The following CDKAL1 variants were observed in gnomAD, a reference collection of about 807,000 sequenced individuals.
The protein encoded by CDKAL1 is CDKAL1 threonylcarbamoyladenosine tRNA methylthiotransferase.
In CDKAL1, 32 loss-of-function variants were observed where a neutral mutation model predicts 68.2. That is an observed-to-expected ratio of 0.47 (90% CI 0.35 to 0.63). The LOEUF is 0.63. Among genes scored for constraint, CDKAL1 ranks in the 30% least tolerant of loss-of-function variants. The probability of loss-of-function intolerance (pLI) is 0.00; values close to 1 mark genes in which losing one functional copy is unlikely to be tolerated. For synonymous variants in CDKAL1, 234 were observed against 244.3 expected (o/e 0.96, Z 0.39); for missense variants, 606 against 696.7 (o/e 0.87, Z 1.47).
chr6:20,730,861 A>AG (rs1491306398), intron 5 of CDKAL1, among the ~76,000 whole-genome samples: 3 of 142,754 alleles, frequency 2.1e-5, no homozygotes, highest in Non-Finnish European at 3.1e-5. Flanking sequence ...AAAAAAAAAA[A>AG]GAGAGAAGGA....
chr6:20,759,407 TG>T (rs1200314871), intron 7 of CDKAL1, among the ~76,000 whole-genome samples: 3 of 152,076 alleles, frequency 2.0e-5, no homozygotes, highest in African/African-American at 7.2e-5. Flanking sequence ...CTGGGTGTGG[TG>T]GGGTGCTCAT....
At chr6:21,190,806 A>G (rs1234408679) in intron 13 of CDKAL1, among the ~76,000 whole-genome samples, 1 of 152,238 alleles carries the variant, frequency 6.6e-6, no homozygotes, top group Non-Finnish European at 1.5e-5. Flanking sequence ...ACACAGGTCC[A>G]TATATCTACG....
intron 10 of CDKAL1, among the ~76,000 whole-genome samples, chr6:20,999,251 T>C (rs1372870850): frequency 6.6e-6 from 1 of 152,116 alleles, no homozygotes; most frequent in Admixed American, 6.6e-5. Flanking sequence ...TTTTTTTCTT[T>C]GTTTCTTTTC....
intron 10 of CDKAL1, among the ~76,000 whole-genome samples, chr6:20,976,306 T>A (rs1765843240): frequency 1.3e-5 from 2 of 152,212 alleles, no homozygotes; most frequent in Admixed American, 1.3e-4. Context: ...ATTATTAAAA[T>A]GTATTCTTTG....
At chr6:21,207,856 G>A (rs140940712) in intron 15 of CDKAL1, among the ~76,000 whole-genome samples, 24 of 152,230 alleles carry the variant, frequency 1.6e-4, no homozygotes, top group African/African-American at 5.8e-4. Context: ...TTCAAATGTT[G>A]TATTCATCAG....
chr6:20,726,070 G>T (rs899687307), intron 5 of CDKAL1, among the ~76,000 whole-genome samples: 1 of 151,810 alleles, frequency 6.6e-6, no homozygotes, highest in Non-Finnish European at 1.5e-5. Context: ...TCTTTTATAG[G>T]GGGGAGTATT....
At chr6:20,689,147 A>G (rs572045954) in intron 5 of CDKAL1, among the ~76,000 whole-genome samples, 2 of 152,166 alleles carry the variant, frequency 1.3e-5, no homozygotes, top group Non-Finnish European at 2.9e-5. Flanking sequence ...GTGAGTTTCC[A>G]TATAGTTTCT....
At chr6:20,536,645 C>G (rs1444941935) in intron 2 of CDKAL1, among the ~76,000 whole-genome samples, 2 of 152,018 alleles carry the variant, frequency 1.3e-5, no homozygotes, top group African/African-American at 4.8e-5. Flanking sequence ...TTAAATATTG[C>G]TAGGTTTTAC....
chr6:21,118,044 AG>A (rs1454148683), intron 13 of CDKAL1, among the ~76,000 whole-genome samples: 1 of 152,240 alleles, frequency 6.6e-6, no homozygotes, highest in Non-Finnish European at 1.5e-5. Flanking sequence ...GCAGGCACAA[AG>A]AAAATTAAAT....
At chr6:20,548,117 A>G (rs950918156) in intron 3 of CDKAL1, among the ~76,000 whole-genome samples, 1 of 152,216 alleles carries the variant, frequency 6.6e-6, no homozygotes, top group African/African-American at 2.4e-5. Flanking sequence ...TAGACTTTTG[A>G]TACAACAACA....
chr6:20,932,658 C>G (rs1435332171), intron 9 of CDKAL1, among the ~76,000 whole-genome samples: 1 of 152,116 alleles, frequency 6.6e-6, no homozygotes, highest in African/African-American at 2.4e-5. Flanking sequence ...AGGATGGCGC[C>G]AGAGTCCCCT....
chr6:21,200,555 A>G (rs1029782314), intron 14 of CDKAL1, among the ~76,000 whole-genome samples: 1 of 152,168 alleles, frequency 6.6e-6, no homozygotes, highest in African/African-American at 2.4e-5. Flanking sequence ...CTGACAGCTC[A>G]CTTGGAAAGT....
intron 13 of CDKAL1, among the ~76,000 whole-genome samples, chr6:21,138,379 C>T (rs545137224): frequency 4.6e-5 from 7 of 152,250 alleles, no homozygotes; most frequent in African/African-American, 1.7e-4. Context: ...TTTTTGTAAT[C>T]CAAATGTGCT....
chr6:20,738,485 GTTTT>G (rs71712438), intron 5 of CDKAL1, among the ~76,000 whole-genome samples: 1 of 119,646 alleles, frequency 8.4e-6, no homozygotes. Context: ...CTACTTCTTA[GTTTT>G]TTTTTTTTTT....
chr6:20,896,319 C>T (rs139031836), intron 9 of CDKAL1, among the ~76,000 whole-genome samples: 4,706 of 152,036 alleles, frequency 0.031, 228 homozygotes, highest in African/African-American at 0.1. Flanking sequence ...AAGATGGTCT[C>T]GATCTCTTGA....
intron 9 of CDKAL1, among the ~76,000 whole-genome samples, chr6:20,868,336 G>C (rs562967862): frequency 6.6e-6 from 1 of 152,278 alleles, no homozygotes; most frequent in Non-Finnish European, 1.5e-5. Context: ...TGCAGTTATA[G>C]ACCCTTAAAC....
At chr6:20,599,251 C>T (rs1765976775) in intron 4 of CDKAL1, 9 of 331,232 alleles carry the variant, frequency 2.7e-5, no homozygotes, top group Non-Finnish European at 3.5e-5. Context: ...AGTATAAATC[C>T]AGAGATATTA....
chr6:20,949,564 A>G (rs1341889386), intron 9 of CDKAL1, among the ~76,000 whole-genome samples: 1 of 152,140 alleles, frequency 6.6e-6, no homozygotes, highest in Non-Finnish European at 1.5e-5. Flanking sequence ...AAATATGATG[A>G]TTGATGGAAC....
intron 13 of CDKAL1, among the ~76,000 whole-genome samples, chr6:21,192,563 G>A (rs568362724): frequency 9.1e-4 from 138 of 152,230 alleles, no homozygotes; most frequent in African/African-American, 3.2e-3. Context: ...CTACAATCAA[G>A]TTACTACAAT....
Sources: gnomAD v4.1 joint callset for allele counts (sites outside exome capture counted in the v4.1 genomes callset) on GRCh38, gnomAD v4.1.1 for gene constraint, MANE v1.5 for transcripts, NCBI Gene and HGNC (gene_info 2026-07-23, HGNC 2026-07-21) for gene names.